Variants in L3MBTL3 observed in about 807,000 individuals in gnomAD.
The protein encoded by L3MBTL3 is lethal(3)malignant brain tumor-like protein 3.
In L3MBTL3, 27 loss-of-function variants were observed where a neutral mutation model predicts 102.3. The ratio of observed to expected loss-of-function variants is 0.26; its 90% CI spans 0.19 to 0.36. L3MBTL3 has a LOEUF of 0.36. Among genes scored for constraint, L3MBTL3 ranks in the 10% least tolerant of loss-of-function variants. The pLI, the probability that L3MBTL3 is intolerant of heterozygous loss-of-function variation, is 1.00. For synonymous variants in L3MBTL3, 340 were observed against 320.9 expected (o/e 1.06, Z -0.64); for missense variants, 798 against 955.3 (o/e 0.84, Z 2.17).
chr6:130,025,123 A>G (rs1779264406), intron 2 of L3MBTL3, among the ~76,000 whole-genome samples: 1 of 152,160 alleles, frequency 6.6e-6, no homozygotes, highest in Non-Finnish European at 1.5e-5. Context: ...GTGAAGATCT[A>G]CACTATCTTC....
chr6:130,114,380 G>A (rs1171988053), intron 19 of L3MBTL3, among the ~76,000 whole-genome samples: 3 of 152,144 alleles, frequency 2.0e-5, no homozygotes, highest in East Asian at 3.8e-4. Context: ...ACCCTTTTCT[G>A]TAGAGTAGAA....
At chr6:130,026,506 T>C (rs891329469) in intron 2 of L3MBTL3, among the ~76,000 whole-genome samples, 4 of 152,130 alleles carry the variant, frequency 2.6e-5, no homozygotes, top group South Asian at 4.1e-4. Context: ...CTCTTTTACA[T>C]TGGTTTACTA....
chr6:130,061,414 C>T (rs913925894), intron 10 of L3MBTL3, among the ~76,000 whole-genome samples: 2 of 152,156 alleles, frequency 1.3e-5, no homozygotes. Flanking sequence ...TCAAAACAAC[C>T]TTTTGAGGCA....
In L3MBTL3 at chr6:130,035,765, A is replaced by G. The variant is rs547849533; in HGVS notation, c.-15-6920A>G. ...GAACCCCAAACTTACCTCTTATGAC[A>G]TTAGTAGTGGCTGGAGACCAATAGA... On this transcript the variant is annotated intron_variant, in intron 2 of 22. Coordinates refer to ENST00000361794, the MANE Select transcript of L3MBTL3 (RefSeq NM_032438.4). Among the ~76,000 whole-genome samples, 38 of 152,304 alleles carry G rather than the reference A, an allele frequency of 2.5e-4. 1 individual carries two copies. The highest frequency in any genetic ancestry group is 7.7e-4 in the African/African-American group (32 of 41,564).
intron 2 of L3MBTL3, among the ~76,000 whole-genome samples, chr6:130,022,709 A>T (rs1411483936): frequency 1.3e-5 from 2 of 152,216 alleles, no homozygotes; most frequent in Non-Finnish European, 2.9e-5. Context: ...GGCCAGTGGT[A>T]AAATTTTGTG....
chr6:130,072,947 C>T (rs1181863514), intron 13 of L3MBTL3, among the ~76,000 whole-genome samples: 7 of 152,218 alleles, frequency 4.6e-5, no homozygotes, highest in African/African-American at 1.2e-4. Flanking sequence ...CTTTCTTCCT[C>T]GTTGATTGTA....
chr6:130,078,349 C>G (rs1783090452), intron 13 of L3MBTL3, among the ~76,000 whole-genome samples: 1 of 152,092 alleles, frequency 6.6e-6, no homozygotes, highest in East Asian at 1.9e-4. Flanking sequence ...TGCATGGTGT[C>G]AAATCCATAT....
chr6:130,106,146 A>C (rs1784968709), intron 19 of L3MBTL3, among the ~76,000 whole-genome samples: 1 of 152,182 alleles, frequency 6.6e-6, no homozygotes, highest in Admixed American at 6.5e-5. Context: ...TATGCCTATT[A>C]ATACTTATCA....
chr6:130,132,405 A>C (rs990523403), intron 20 of L3MBTL3, among the ~76,000 whole-genome samples: 3 of 152,188 alleles, frequency 2.0e-5, no homozygotes, highest in African/African-American at 7.2e-5. Context: ...TGTTGGTTAC[A>C]TGGGTGTGTT....
chr6:130,044,139 C>T (rs949801692), intron 3 of L3MBTL3, among the ~76,000 whole-genome samples: 21 of 152,124 alleles, frequency 1.4e-4, no homozygotes, highest in Non-Finnish European at 2.8e-4. Context: ...TCAAACTGGT[C>T]ATGTCAACTA....
rs977277367 is a variant in L3MBTL3, at chr6:130,104,346, C to A, written c.1737-80C>A. On this transcript the variant is annotated intron_variant, in intron 18 of 22. Coordinates refer to ENST00000361794, the MANE Select transcript of L3MBTL3 (RefSeq NM_032438.4). ...ATTTTAGAATTTTATATTCTGTATC[C>A]TGTCATTTTAATTGGAAGAAGTATG... 5.0e-6 allele frequency: 5 copies of A among 1,001,944 alleles called. No homozygotes were observed. The African/African-American group carries it at 8.3e-5, about 17-fold the overall frequency. 62.1% of individuals were successfully genotyped at this position (1,001,944 alleles called of 1,614,324 possible). A position where few individuals can be genotyped will look rare whatever the true frequency, so the allele number is the denominator to read the frequency against.
intron 16 of L3MBTL3, among the ~76,000 whole-genome samples, chr6:130,089,775 G>T (rs1395550028): frequency 2.0e-5 from 3 of 151,328 alleles, no homozygotes; most frequent in African/African-American, 4.9e-5. Context: ...GCATGAGATG[G>T]TATCTCATTG....
rs1341961945 is a variant in L3MBTL3 at position 130,133,072 on chromosome 6, C to T, written c.1967-380C>T. Among the ~76,000 whole-genome samples, 13 of 152,188 alleles carry T rather than the reference C, an allele frequency of 8.5e-5. 1 individual carries two copies. The highest frequency in any genetic ancestry group is 8.5e-4 in the Admixed American group (13 of 15,270). On this transcript the variant is annotated intron_variant, in intron 20 of 22. Coordinates refer to ENST00000361794, the MANE Select transcript of L3MBTL3 (RefSeq NM_032438.4). The surrounding 1 kb of genome is among the most constrained non-coding windows in gnomAD (Gnocchi z 4.9). ...CACAGGTGTTAGACGTGAGATGCAA[C>T]TTGGCTGTTACCTTTACAACATCCA...
chr6:130,119,159 C>T (rs1209938608), intron 19 of L3MBTL3, among the ~76,000 whole-genome samples: 2 of 151,678 alleles, frequency 1.3e-5, no homozygotes, highest in Non-Finnish European at 2.9e-5. Flanking sequence ...GTTTCTCTCT[C>T]TATTTAAAAA....
At chr6:130,084,985 A>G (rs1168794823) in intron 15 of L3MBTL3, among the ~76,000 whole-genome samples, 1 of 152,092 alleles carries the variant, frequency 6.6e-6, no homozygotes. Context: ...ACATGCCACC[A>G]TGCTGGGCTA....
intron 19 of L3MBTL3, among the ~76,000 whole-genome samples, chr6:130,108,253 T>TTTTTTG (rs1785121699): frequency 8.4e-6 from 1 of 118,450 alleles, no homozygotes; most frequent in Non-Finnish European, 1.8e-5. Flanking sequence ...TTTTTTTTTT[T>TTTTTTG]AGATGGAGTC....
At chr6:130,110,498 C>T (rs1296812351) in intron 19 of L3MBTL3, among the ~76,000 whole-genome samples, 1 of 152,072 alleles carries the variant, frequency 6.6e-6, no homozygotes, top group East Asian at 1.9e-4. Context: ...CTCTGTTTGT[C>T]TATTATTGGT....
intron 20 of L3MBTL3, among the ~76,000 whole-genome samples, chr6:130,129,356 T>C (rs554436707): frequency 3.9e-5 from 6 of 152,314 alleles, no homozygotes; most frequent in African/African-American, 1.2e-4. Context: ...AATATTATTA[T>C]TTTTCTCTGC....
intron 20 of L3MBTL3, among the ~76,000 whole-genome samples, chr6:130,125,678 C>G (rs1342452080): frequency 6.6e-6 from 1 of 152,190 alleles, no homozygotes; most frequent in Non-Finnish European, 1.5e-5. Context: ...AGTGTTCATT[C>G]TCATTTCCAT....
Sources: allele counts gnomAD v4.1 joint callset (sites outside exome capture counted in the v4.1 genomes callset), GRCh38; gene constraint gnomAD v4.1.1; non-coding constraint Gnocchi (gnomAD v3.1); transcripts MANE v1.5; gene names NCBI Gene and HGNC (gene_info 2026-07-23, HGNC 2026-07-21).